The following EEIG1 variants were observed in gnomAD, a reference collection of about 807,000 sequenced individuals.
EEIG1 encodes the protein early estrogen-induced gene 1 protein.
At chr9:127,961,166 G>T in the EEIG1 span, among the ~76,000 whole-genome samples, 1 of 152,188 alleles carries the variant, frequency 6.6e-6, no homozygotes, top group Non-Finnish European at 1.5e-5. Flanking sequence ...CCCCATCTGC[G>T]TCCAGACCCT....
At chr9:127,964,008 G>A in the EEIG1 span, among the ~76,000 whole-genome samples, 2 of 152,114 alleles carry the variant, frequency 1.3e-5, no homozygotes, top group Non-Finnish European at 2.9e-5. Context: ...GTGAAGACCT[G>A]GGGGGAAGGA....
the EEIG1 span, chr9:127,948,419 G>A: frequency 6.2e-7 from 1 of 1,614,006 alleles, no homozygotes; most frequent in Non-Finnish European, 8.5e-7. Flanking sequence ...GGTGACCTGT[G>A]GCGAGGGGAG....
the EEIG1 span, among the ~76,000 whole-genome samples, chr9:127,961,371 T>G: frequency 6.6e-6 from 1 of 151,984 alleles, no homozygotes; most frequent in African/African-American, 2.4e-5. Context: ...TAAGGGATGC[T>G]TGTGATGGGA....
the EEIG1 span, among the ~76,000 whole-genome samples, chr9:127,956,939 T>C: frequency 2.0e-5 from 3 of 152,178 alleles, no homozygotes; most frequent in Admixed American, 6.5e-5. Flanking sequence ...GGTCTCGAAC[T>C]CCTGGCCTCA....
the EEIG1 span, among the ~76,000 whole-genome samples, chr9:127,964,120 C>T: frequency 5.3e-5 from 8 of 152,184 alleles, no homozygotes; most frequent in East Asian, 7.7e-4. Flanking sequence ...AGGCTGGTGA[C>T]GAGGAGAGGC....
chr9:127,951,943 A>C, the EEIG1 span, among the ~76,000 whole-genome samples: 2 of 152,132 alleles, frequency 1.3e-5, no homozygotes, highest in Non-Finnish European at 2.9e-5. Context: ...ACGTCCAGCC[A>C]CTTCTCAGGG....
the EEIG1 span, among the ~76,000 whole-genome samples, chr9:127,977,048 G>A: frequency 7.2e-5 from 11 of 151,980 alleles, no homozygotes; most frequent in African/African-American, 2.4e-4. Flanking sequence ...AGGAACCCCC[G>A]TCTACTGGGC....
chr9:127,954,495 C>T, the EEIG1 span, among the ~76,000 whole-genome samples: 2 of 152,202 alleles, frequency 1.3e-5, no homozygotes, highest in African/African-American at 2.4e-5. Flanking sequence ...ATAGTAACAA[C>T]AGCTGATACC....
the EEIG1 span, among the ~76,000 whole-genome samples, chr9:127,961,647 C>G: frequency 2.6e-5 from 4 of 152,260 alleles, no homozygotes; most frequent in African/African-American, 9.6e-5. Flanking sequence ...TGGGGTGCAA[C>G]AGAGAAAAAG....
chr9:127,944,641 C>T, the EEIG1 span: 8 of 1,612,138 alleles, frequency 5.0e-6, no homozygotes, highest in Admixed American at 1.7e-5. Context: ...TGCCGCTCAG[C>T]GTGGCAGAGC....
At chr9:127,943,182 C>T in the EEIG1 span, 11 of 1,613,876 alleles carry the variant, frequency 6.8e-6, no homozygotes, top group South Asian at 1.1e-5. Context: ...CCAGCCCGGA[C>T]ACCTGCTCCT....
At chr9:127,944,617 G>T in the EEIG1 span, 36 of 1,610,142 alleles carry the variant, frequency 2.2e-5, no homozygotes, top group Non-Finnish European at 3.1e-5. Flanking sequence ...TGCCCTACCT[G>T]GTGGCAAGCT....
At chr9:127,977,624 C>A in the EEIG1 span, among the ~76,000 whole-genome samples, 1 of 152,222 alleles carries the variant, frequency 6.6e-6, no homozygotes, top group African/African-American at 2.4e-5. Flanking sequence ...GAAGCGATAA[C>A]TGCTGCGGCA....
chr9:127,943,112 AG>A, the EEIG1 span: 1 of 1,355,122 alleles, frequency 7.4e-7, no homozygotes, highest in East Asian at 2.3e-5. Context: ...GGTGATCTGA[AG>A]GGGAAAGTTC....
At chr9:127,954,680 G>A in the EEIG1 span, among the ~76,000 whole-genome samples, 4 of 152,132 alleles carry the variant, frequency 2.6e-5, no homozygotes, top group South Asian at 2.1e-4. Context: ...GGGGCCCGGA[G>A]GCTAAGACCC....
the EEIG1 span, chr9:127,950,483 G>A: frequency 6.2e-7 from 1 of 1,614,088 alleles, no homozygotes; most frequent in Non-Finnish European, 8.5e-7. Context: ...GCAGGCAGCA[G>A]CGCACCGTGG....
At chr9:127,969,650 C>CA in the EEIG1 span, among the ~76,000 whole-genome samples, 1 of 152,138 alleles carries the variant, frequency 6.6e-6, no homozygotes, top group Admixed American at 6.5e-5. Context: ...CCCCACAGCC[C>CA]AGCAGGCCCT....
At chr9:127,950,606 A>C in the EEIG1 span, 1 of 1,582,078 alleles carries the variant, frequency 6.3e-7, no homozygotes, top group Non-Finnish European at 8.6e-7. Context: ...GGAAGCCCAG[A>C]AGGGTAACTT....
the EEIG1 span, among the ~76,000 whole-genome samples, chr9:127,978,859 T>TA: frequency 6.6e-6 from 1 of 151,164 alleles, no homozygotes; most frequent in Non-Finnish European, 1.5e-5. Flanking sequence ...AATTAAAATT[T>TA]AAAAAAAATT....
Sources: allele counts gnomAD v4.1 joint callset (sites outside exome capture counted in the v4.1 genomes callset), GRCh38; gene constraint gnomAD v4.1.1; transcripts MANE v1.5; gene names NCBI Gene and HGNC (gene_info 2026-07-23, HGNC 2026-07-21).